The following SLMAP variants were observed in gnomAD, a reference collection of about 807,000 sequenced individuals.
The protein encoded by SLMAP is sarcolemma associated protein.
Under a neutral mutation model 128.8 loss-of-function variants are expected in SLMAP, and 44 were observed. That is an observed-to-expected ratio of 0.34 (90% CI 0.27 to 0.44). SLMAP has a LOEUF of 0.44. SLMAP is among the 20% of genes least tolerant of loss of function. The probability of loss-of-function intolerance (pLI) is 1.00; values close to 1 mark genes in which losing one functional copy is unlikely to be tolerated. For missense variants in SLMAP, 787 were observed against 985.3 expected, an observed-to-expected ratio of 0.80 and a Z score of 2.69; for synonymous variants, 327 against 348.8, an observed-to-expected ratio of 0.94 and a Z score of 0.70.
intron 2 of SLMAP, among the ~76,000 whole-genome samples, chr3:57,769,483 G>A (rs1411592507): frequency 2.6e-5 from 4 of 152,048 alleles, no homozygotes; most frequent in African/African-American, 4.8e-5. Context: ...ATGAGCCACC[G>A]CGCCCGGCTG....
chr3:57,828,180 A>G (rs2093060549), intron 2 of SLMAP, among the ~76,000 whole-genome samples: 1 of 152,184 alleles, frequency 6.6e-6, no homozygotes, highest in African/African-American at 2.4e-5. Flanking sequence ...GGTGGTCTCA[A>G]ACTCCTGACC....
At chr3:57,810,988 G>A (rs763277280) in intron 2 of SLMAP, among the ~76,000 whole-genome samples, 12 of 152,068 alleles carry the variant, frequency 7.9e-5, no homozygotes, top group African/African-American at 1.2e-4. Context: ...ATATGCTGAC[G>A]ACAGCTTAAT....
At chr3:57,828,197 G>T (rs546268144) in intron 2 of SLMAP, among the ~76,000 whole-genome samples, 1 of 152,276 alleles carries the variant, frequency 6.6e-6, no homozygotes, top group Admixed American at 6.5e-5. Context: ...GACCTCAGGT[G>T]ATCCACCCGC....
intron 2 of SLMAP, among the ~76,000 whole-genome samples, chr3:57,806,595 G>T (rs544916850): frequency 6.6e-6 from 1 of 152,108 alleles, no homozygotes; most frequent in Non-Finnish European, 1.5e-5. Context: ...ATGCCACCAT[G>T]CCTGGCCAAT....
intron 2 of SLMAP, among the ~76,000 whole-genome samples, chr3:57,788,104 T>C (rs142667935): frequency 7.0e-4 from 106 of 152,300 alleles, no homozygotes; most frequent in African/African-American, 2.4e-3. Context: ...AGCACTAATA[T>C]ATATCATGAG....
intron 22 of SLMAP, among the ~76,000 whole-genome samples, chr3:57,920,780 C>T (rs1020041367): frequency 2.6e-5 from 4 of 151,818 alleles, no homozygotes; most frequent in African/African-American, 4.8e-5. Context: ...TTTGGGAGGC[C>T]GAGGTGGGTG....
intron 8 of SLMAP, among the ~76,000 whole-genome samples, chr3:57,859,045 C>T (rs2094922662): frequency 6.6e-6 from 1 of 152,104 alleles, no homozygotes; most frequent in Non-Finnish European, 1.5e-5. Flanking sequence ...AGTTTCCTTC[C>T]ATACACAGTG....
intron 2 of SLMAP, among the ~76,000 whole-genome samples, chr3:57,830,891 T>C (rs1390543830): frequency 6.6e-6 from 1 of 152,236 alleles, no homozygotes; most frequent in Non-Finnish European, 1.5e-5. Flanking sequence ...ATTCATGTTA[T>C]AGCATGTTAT....
rs551403411 is a variant in SLMAP at position 57,813,901 on chromosome 3, T to G, written c.199-17482T>G. 8.5e-5 allele frequency among the ~76,000 whole-genome samples: 13 copies of G among 152,204 alleles called. No individual in the cohort carries two copies. In the East Asian group the frequency reaches 2.5e-3, roughly 29 times the overall value. On this transcript the variant is annotated intron_variant, in intron 2 of 24. Transcript: ENST00000671191. The stretch of plus-strand genomic sequence containing the variant: ...ACATCTTGTTAGTTGCCTATCTTCC[T>G]GAGCTTTTAGGCTTGAGAGTTTTGG...
intron 17 of SLMAP, chr3:57,898,370 G>C (rs898713980): frequency 6.6e-6 from 1 of 152,144 alleles, no homozygotes; most frequent in Non-Finnish European, 1.5e-5. Flanking sequence ...GGAGGTAAAT[G>C]AGTAATGAAC....
intron 5 of SLMAP, among the ~76,000 whole-genome samples, chr3:57,848,209 C>T (rs1021001435): frequency 4.0e-5 from 6 of 149,926 alleles, no homozygotes; most frequent in African/African-American, 1.5e-4. Flanking sequence ...TCTTTTCTTT[C>T]TTCTTTCCTC....
chr3:57,927,070 C>A (rs1050022762), intron 24 of SLMAP, among the ~76,000 whole-genome samples: 1 of 152,122 alleles, frequency 6.6e-6, no homozygotes, highest in Non-Finnish European at 1.5e-5. Flanking sequence ...CCAGGACTTT[C>A]TTGGGACGTG....
intron 2 of SLMAP, among the ~76,000 whole-genome samples, chr3:57,796,631 T>C (rs2086798162): frequency 6.6e-6 from 1 of 152,220 alleles, no homozygotes; most frequent in Admixed American, 6.5e-5. Context: ...GTCACAGTAA[T>C]GTCATTTCTA....
chr3:57,919,613 G>A (rs1485197095), intron 22 of SLMAP, among the ~76,000 whole-genome samples: 9 of 151,614 alleles, frequency 5.9e-5, no homozygotes, highest in African/African-American at 1.9e-4. Flanking sequence ...TGATCAACAT[G>A]GAGAAACCCC....
chr3:57,909,198 T>C (rs753858281), intron 19 of SLMAP, 48 bp downstream of exon 19: 1 of 1,401,960 alleles, frequency 7.1e-7, no homozygotes. Context: ...TGTGTTTGTT[T>C]TTAGTGATTC....
chr3:57,768,007 A>T (rs2080083705), intron 2 of SLMAP, among the ~76,000 whole-genome samples: 1 of 152,210 alleles, frequency 6.6e-6, no homozygotes, highest in Non-Finnish European at 1.5e-5. Context: ...TCCTAGAAAT[A>T]CAATATTTTT....
chr3:57,906,314 T>TTC (rs1559512863), intron 17 of SLMAP, among the ~76,000 whole-genome samples: 33 of 117,438 alleles, frequency 2.8e-4, no homozygotes, highest in East Asian at 2.5e-3. Context: ...TTTTTTCTTT[T>TTC]TTTTTTTTTT....
chr3:57,907,846 A>C (rs1283558325), intron 17 of SLMAP, 38 bp from the exon 18 acceptor site: 1 of 1,600,844 alleles, frequency 6.2e-7, no homozygotes, highest in Admixed American at 1.7e-5. Flanking sequence ...ATAGTGTGAT[A>C]CTAACTCTTG....
At chr3:57,782,568 G>C (rs1368226041) in intron 2 of SLMAP, among the ~76,000 whole-genome samples, 1 of 152,118 alleles carries the variant, frequency 6.6e-6, no homozygotes, top group Non-Finnish European at 1.5e-5. Context: ...CACTTCCTGG[G>C]CTCAAGCGAT....
Sources: allele counts gnomAD v4.1 joint callset (sites outside exome capture counted in the v4.1 genomes callset), GRCh38; gene constraint gnomAD v4.1.1; transcripts MANE v1.5; gene names NCBI Gene and HGNC (gene_info 2026-07-23, HGNC 2026-07-21).